The following BANP variants were observed in gnomAD, a reference collection of about 807,000 sequenced individuals.
The protein encoded by BANP is protein BANP.
A neutral mutation model predicts 68.1 loss-of-function variants in BANP; 11 were observed. That is an observed-to-expected ratio of 0.16 (90% CI 0.10 to 0.27). The LOEUF (loss-of-function observed/expected upper bound fraction) is 0.27, where lower values mean the gene tolerates loss of function less well. Ranked by LOEUF, BANP falls within the 10% of genes least tolerant of loss-of-function variation. BANP has a pLI of 1.00. For synonymous variants in BANP, 329 were observed against 303.2 expected (o/e 1.09, Z -0.88); for missense variants, 504 against 722.7 (o/e 0.70, Z 3.47).
chr16:87,990,610 G>T (rs1196691978), intron 4 of BANP, among the ~76,000 whole-genome samples: 4 of 152,172 alleles, frequency 2.6e-5, no homozygotes, highest in Admixed American at 6.5e-5. Flanking sequence ...TGCGTGAATT[G>T]TGAAGAAATG....
At chr16:88,066,784 G>T (rs943528749) in intron 12 of BANP, among the ~76,000 whole-genome samples, 1 of 152,134 alleles carries the variant, frequency 6.6e-6, no homozygotes, top group Non-Finnish European at 1.5e-5. Flanking sequence ...GCCTGTGTGT[G>T]TCTTTGCCAT....
chr16:88,069,424 A>G (rs1313733273), intron 12 of BANP, among the ~76,000 whole-genome samples: 1 of 152,216 alleles, frequency 6.6e-6, no homozygotes, highest in Non-Finnish European at 1.5e-5. Context: ...TGAGAGGCCT[A>G]CGCCCGAGCC....
At position 88,027,556 on chromosome 16, in the gene BANP, C is replaced by T. The variant is rs567121932; in HGVS notation, c.969C>T (p.Cys323=). The T allele has an allele frequency of 1.9e-6, 3 of 1,613,876 alleles. No individual in the cohort carries two copies. The highest frequency in any genetic ancestry group is 2.5e-6 in the Non-Finnish European group (3 of 1,179,872). ...YRIKQSIDSK[C]RTAWRRKQRG... is the part of the protein sequence containing the mutation. ...TCAAGCAGAGCATCGACTCCAAGTG[C>T]CGCACGGCGTGGCGGCGCAAGCAGC... Residue 323 remains cysteine (C), a synonymous_variant, in exon 8 of 14, where the codon TGC becomes TGT. Transcript: ENST00000682872.
At chr16:87,960,363 G>T (rs1003174255) in intron 1 of BANP, among the ~76,000 whole-genome samples, 1 of 152,202 alleles carries the variant, frequency 6.6e-6, no homozygotes, top group African/African-American at 2.4e-5. Flanking sequence ...TTGAGGATGG[G>T]CTTGGGTGAG....
At chr16:88,009,704 A>G (rs2072450819) in intron 6 of BANP, among the ~76,000 whole-genome samples, 2 of 152,010 alleles carry the variant, frequency 1.3e-5, no homozygotes, top group South Asian at 2.1e-4. Context: ...CATTAGAATA[A>G]GAAGGACGGT....
At chr16:87,955,105 G>A (rs529573751) in intron 1 of BANP, among the ~76,000 whole-genome samples, 2 of 152,320 alleles carry the variant, frequency 1.3e-5, no homozygotes, top group African/African-American at 4.8e-5. Flanking sequence ...TGTGCCAAGC[G>A]GGCCGTCTGC....
chr16:87,950,023 G>A (rs7199454), upstream of BANP, among the ~76,000 whole-genome samples: 4,690 of 151,912 alleles, frequency 0.031, 241 homozygotes, highest in African/African-American at 0.11. Flanking sequence ...GACTACAGGC[G>A]CCTGCCACCG....
At position 88,002,450 on chromosome 16, in the gene BANP, C is replaced by G. The variant is rs11860994; in HGVS notation, c.363-1845C>G. ...GGGTCTGTGCCCTAGGTGGATGGTGCATCCAGTGTGTTCAGAGCAGAGGTT... is the reference window on the plus strand; with the variant it reads ...GGGTCTGTGCCCTAGGTGGATGGTGGATCCAGTGTGTTCAGAGCAGAGGTT... On this transcript the variant is annotated intron_variant, in intron 4 of 13. Transcript: ENST00000682872. The surrounding 1 kb of genome is among the most constrained non-coding windows in gnomAD (Gnocchi z 4.6). Among the ~76,000 whole-genome samples, 2,495 of 152,164 alleles carry G rather than the reference C, an allele frequency of 0.016. 67 individuals are homozygous for G. Among genetic ancestry groups the G allele is most frequent in the African/African-American group, 0.054 (2,233 of 41,478 alleles).
intron 2 of BANP, among the ~76,000 whole-genome samples, chr16:87,975,572 CAT>C (rs1567632850): frequency 1.5e-5 from 2 of 136,648 alleles, no homozygotes; most frequent in Non-Finnish European, 3.2e-5. Flanking sequence ...TGTGTAATCC[CAT>C]GTGCGGCGTC....
chr16:87,967,417 A>G (rs1256793525), intron 1 of BANP, among the ~76,000 whole-genome samples: 1 of 151,372 alleles, frequency 6.6e-6, no homozygotes, highest in East Asian at 1.9e-4. Context: ...CGTCAATAAT[A>G]ATTTAATTGT....
At chr16:88,062,990 A>G (rs1276667618) in intron 11 of BANP, among the ~76,000 whole-genome samples, 2 of 152,188 alleles carry the variant, frequency 1.3e-5, no homozygotes, top group African/African-American at 4.8e-5. Context: ...CACGTTTAAG[A>G]TCTGACTGCT....
At position 88,018,320 on chromosome 16, in the gene BANP, C is replaced by T; in HGVS notation, c.656-108C>T. 6 of 1,395,680 alleles carry T rather than the reference C, an allele frequency of 4.3e-6. No homozygotes were observed. The highest frequency in any genetic ancestry group is 5.9e-6 in the Non-Finnish European group (6 of 1,022,642). 86.5% of individuals were successfully genotyped at this position (1,395,680 alleles called of 1,614,324 possible). On this transcript the variant is annotated intron_variant, in intron 6 of 13. Coordinates refer to ENST00000682872, the MANE Select transcript of BANP (RefSeq NM_001386991.1). The surrounding 1 kb of genome is among the most constrained non-coding windows in gnomAD (Gnocchi z 7.7). ...ACAAGTTACGAGGGATTTGCCCAGC[C>T]CTGCGTGGAGCATCTTTCCCGACTG... is the stretch of plus-strand genomic sequence containing the variant.
intron 11 of BANP, among the ~76,000 whole-genome samples, chr16:88,062,073 C>G (rs2086970699): frequency 1.3e-5 from 2 of 152,224 alleles, no homozygotes; most frequent in Admixed American, 1.3e-4. Context: ...GGATTCAAAG[C>G]TGAATGACAA....
chr16:88,069,965 C>T (rs1277508303), intron 12 of BANP, among the ~76,000 whole-genome samples: 1 of 152,194 alleles, frequency 6.6e-6, no homozygotes, highest in East Asian at 1.9e-4. Flanking sequence ...TCCTCTTCCC[C>T]CCAGCCCCAG....
rs766855488 is a variant in BANP at position 88,076,655 on chromosome 16, T to G, written c.1587T>G (p.Ile529Met). ...AGCTCGAGCACGGGGCCATCCAGAT[T>G]CAGTGAGCGGTGCCCATGGCACCAG... ...EMQLEHGAIQ[I>M]Q The change falls in exon 14 of 14, where the codon ATT becomes ATG. Residue 529 changes from isoleucine (I) to methionine (M), a missense_variant. This residue lies in a region of BANP where 223 missense variants were observed against 246.2 expected (regional missense o/e 0.91). Transcript: ENST00000682872. 2 of 1,608,318 alleles carry G rather than the reference T, an allele frequency of 1.2e-6. No homozygotes were observed. The highest frequency in any genetic ancestry group is 8.5e-7 in the Non-Finnish European group (1 of 1,179,508).
chr16:88,042,455 C>G (rs1389704254), intron 11 of BANP, among the ~76,000 whole-genome samples: 1 of 152,160 alleles, frequency 6.6e-6, no homozygotes, highest in African/African-American at 2.4e-5. Context: ...TGCCAGCTGC[C>G]CAGCCATGAT....
At chr16:87,954,715 C>T (rs925852215) in intron 1 of BANP, among the ~76,000 whole-genome samples, 4 of 152,242 alleles carry the variant, frequency 2.6e-5, no homozygotes, top group Non-Finnish European at 5.9e-5. Context: ...CACGCCTGTG[C>T]CCCCGGTGCT....
intron 11 of BANP, among the ~76,000 whole-genome samples, chr16:88,063,615 G>A (rs1244466911): frequency 1.3e-5 from 2 of 152,228 alleles, no homozygotes; most frequent in South Asian, 2.1e-4. Context: ...CTTGATAGAC[G>A]AGTTTCAGAT....
chr16:88,046,901 C>G (rs939904054), intron 11 of BANP, among the ~76,000 whole-genome samples: 2 of 150,494 alleles, frequency 1.3e-5, no homozygotes, highest in African/African-American at 2.4e-5. Context: ...CCCGTCTCTA[C>G]TAAAAATACA....
Sources: allele counts gnomAD v4.1 joint callset (sites outside exome capture counted in the v4.1 genomes callset), GRCh38; gene constraint gnomAD v4.1.1; regional missense constraint gnomAD v4.1.1; non-coding constraint Gnocchi (gnomAD v3.1); transcripts MANE v1.5; gene names NCBI Gene and HGNC (gene_info 2026-07-23, HGNC 2026-07-21).